FOXP1: variants seen among roughly 807,000 people sequenced by gnomAD.
FOXP1 encodes forkhead box protein P1.
Under a neutral mutation model 98.2 loss-of-function variants are expected in FOXP1, and 15 were observed. That is an observed-to-expected ratio of 0.15 (90% CI 0.10 to 0.24). FOXP1 has a LOEUF of 0.24. Ranked by LOEUF, FOXP1 falls within the 10% of genes least tolerant of loss-of-function variation. The pLI is 1.00. For missense variants in FOXP1, 633 were observed against 848.5 expected (o/e 0.75, Z 3.15); for synonymous variants, 371 against 314.5 (o/e 1.18, Z -1.90).
At chr3:70,992,309 G>C (rs1413062274) in intron 13 of FOXP1, among the ~76,000 whole-genome samples, 1 of 152,148 alleles carries the variant, frequency 6.6e-6, no homozygotes, top group Admixed American at 6.6e-5. Flanking sequence ...GATCCAAAGA[G>C]ATTAACCCGA....
chr3:71,015,614 A>G lies in FOXP1; in HGVS notation c.909T>C (p.Tyr303=), dbSNP rs752258317. The stretch of plus-strand genomic sequence containing the variant: ...CTGGCCACTTGCATACACCATGTCC[A>G]TAGAGAGGATGGCTATGGGGGTGCT... ...HEEHPHSHPL[Y]GHGVCKWPGC... is the part of the protein sequence containing the mutation. The change falls in exon 12 of 21, where the codon TAT becomes TAC. Residue 303 remains tyrosine (Y), a synonymous_variant. Transcript: ENST00000649528. The G allele has an allele frequency of 1.9e-6, 3 of 1,613,178 alleles. No individual in the cohort carries two copies. The highest frequency in any genetic ancestry group is 3.3e-5 in the Admixed American group (2 of 59,982).
At chr3:71,053,597 C>T (rs760938759) in intron 8 of FOXP1, 39 bp downstream of exon 8, 1 of 1,613,254 alleles carries the variant, frequency 6.2e-7, no homozygotes. Context: ...CCCCTGGGTT[C>T]TGGGGGAGAC....
At chr3:71,558,754 A>C (rs1425940166) in intron 2 of FOXP1, among the ~76,000 whole-genome samples, 2 of 150,812 alleles carry the variant, frequency 1.3e-5, no homozygotes, top group Non-Finnish European at 2.9e-5. Flanking sequence ...CGGCCTCCCA[A>C]AATGCTGGGA....
At chr3:71,149,179 T>C (rs923302169) in intron 6 of FOXP1, among the ~76,000 whole-genome samples, 1 of 152,090 alleles carries the variant, frequency 6.6e-6, no homozygotes. Context: ...TTAAGTACGT[T>C]TAAGAAGTAA....
At chr3:71,512,150 G>C (rs1434166083) in intron 2 of FOXP1, among the ~76,000 whole-genome samples, 2 of 152,170 alleles carry the variant, frequency 1.3e-5, no homozygotes. Flanking sequence ...AGGTCACATA[G>C]TAATTAAGTG....
At chr3:71,082,867 G>A (rs1393336842) in intron 7 of FOXP1, among the ~76,000 whole-genome samples, 7 of 152,104 alleles carry the variant, frequency 4.6e-5, no homozygotes, top group Non-Finnish European at 1.0e-4. Context: ...CCAGCTGACT[G>A]GCTAAACAAT....
At position 71,183,164 on chromosome 3, in the gene FOXP1, A is replaced by G. The variant is rs959594719; in HGVS notation, c.180+15038T>C. Among the ~76,000 whole-genome samples, 3 of 152,080 alleles carry G rather than the reference A, an allele frequency of 2.0e-5. No individual in the cohort carries two copies. In the South Asian group the frequency reaches 6.2e-4, roughly 32 times the overall value. ...ATTTCGGTAGGTTAAATTCCTGGTG[A>G]TGATGATCATGGCGGTGGTGGTGAT... On this transcript the variant is annotated intron_variant, in intron 6 of 20. Transcript: ENST00000649528.
In FOXP1 at chr3:71,403,079, G is replaced by C. The variant is rs1235066697; in HGVS notation, c.-167-43835C>G. Among the ~76,000 whole-genome samples, 5 of 152,220 alleles carry C rather than the reference G, an allele frequency of 3.3e-5. No homozygotes were observed. The East Asian group carries it at 9.6e-4, about 29-fold the overall frequency. ...GCAAAACCAAATTAGTTTCTCAAAA[G>C]AGGAAGTTTACTTTTTTGTTTTGTT... On this transcript the variant is annotated intron_variant, in intron 3 of 20. Transcript: ENST00000649528.
At chr3:71,537,106 T>A (rs2044360897) in intron 2 of FOXP1, among the ~76,000 whole-genome samples, 1 of 152,040 alleles carries the variant, frequency 6.6e-6, no homozygotes, top group Non-Finnish European at 1.5e-5. Context: ...TTAACTTCCT[T>A]TAAGGTCCTA....
At chr3:71,131,864 T>C (rs915305285) in intron 6 of FOXP1, among the ~76,000 whole-genome samples, 2 of 152,186 alleles carry the variant, frequency 1.3e-5, no homozygotes, top group Non-Finnish European at 2.9e-5. Flanking sequence ...AGGCAGATCA[T>C]AGAAACAGAA....
At chr3:71,544,631 T>C (rs1281860629) in intron 2 of FOXP1, among the ~76,000 whole-genome samples, 1 of 152,164 alleles carries the variant, frequency 6.6e-6, no homozygotes, top group African/African-American at 2.4e-5. Context: ...CTCCATTTTA[T>C]ATGTGGGGTG....
chr3:71,064,200 C>T (rs1040632255), intron 7 of FOXP1, among the ~76,000 whole-genome samples: 1 of 152,208 alleles, frequency 6.6e-6, no homozygotes, highest in African/African-American at 2.4e-5. Context: ...TCTCCCTCCC[C>T]CTTTACTGTG....
Position 70,956,376 on chromosome 3 carries a change from G to A in FOXP1, c.*2871C>T. 1 of 232,166 alleles carries A rather than the reference G, an allele frequency of 4.3e-6. No individual in the cohort carries two copies. Among genetic ancestry groups the A allele is most frequent in the East Asian group, 6.1e-5 (1 of 16,442 alleles). 14.4% of individuals were successfully genotyped at this position (232,166 alleles called of 1,614,324 possible). ...TTTTTTTCAGTTGGTTCTTCTGCAA[G>A]GCTGTGATACCTGCAAAGATATGTA... is the stretch of plus-strand genomic sequence containing the variant. On this transcript the variant is annotated 3_prime_UTR_variant, in exon 21 of 21. Transcript: ENST00000649528.
intron 3 of FOXP1, among the ~76,000 whole-genome samples, chr3:71,420,411 G>A (rs1364477181): frequency 6.6e-6 from 1 of 152,034 alleles, no homozygotes; most frequent in Non-Finnish European, 1.5e-5. Context: ...GATGCTACAG[G>A]GGCCACTTCA....
intron 5 of FOXP1, among the ~76,000 whole-genome samples, chr3:71,262,444 A>C (rs543655508): frequency 6.6e-6 from 1 of 152,248 alleles, no homozygotes; most frequent in South Asian, 2.1e-4. Context: ...TACTTCCAGA[A>C]ATAAATAAGC....
At chr3:71,081,766 T>G (rs1169326958) in intron 7 of FOXP1, among the ~76,000 whole-genome samples, 2 of 152,184 alleles carry the variant, frequency 1.3e-5, no homozygotes, top group Non-Finnish European at 2.9e-5. Flanking sequence ...TCTTCCATGG[T>G]CACTCACATT....
rs1017746934 is a variant in FOXP1, at chr3:70,954,975, T to C, written c.*4272A>G. On this transcript the variant is annotated 3_prime_UTR_variant, in exon 21 of 21. Transcript: ENST00000649528. Reference sequence around the variant, plus strand: ...GGACTGTATCATCTTCATCAAGGCTTATGGGTAGCAGAGATTGCGTGAGCT... The same window carrying C: ...GGACTGTATCATCTTCATCAAGGCTCATGGGTAGCAGAGATTGCGTGAGCT... 1.2e-4 allele frequency: 29 copies of C among 232,452 alleles called. No homozygotes were observed. The highest frequency in any genetic ancestry group is 6.0e-4 in the African/African-American group (27 of 45,272). 14.4% of individuals were successfully genotyped at this position (232,452 alleles called of 1,614,324 possible).
chr3:71,163,410 T>C lies in FOXP1; in HGVS notation c.180+34792A>G, dbSNP rs570367838. Among the ~76,000 whole-genome samples the C allele has an allele frequency of 3.9e-5, 6 of 152,334 alleles. No individual in the cohort carries two copies. The South Asian group carries it at 1.0e-3, about 26-fold the overall frequency. On this transcript the variant is annotated intron_variant, in intron 6 of 20. Coordinates refer to ENST00000649528, the MANE Select transcript of FOXP1 (RefSeq NM_001349338.3). ...CTCAGCATCTGTTTGAAATATGTAGTAGACAATTGCTTTTTTGGCTGTGAC... is the reference window on the plus strand; with the variant it reads ...CTCAGCATCTGTTTGAAATATGTAGCAGACAATTGCTTTTTTGGCTGTGAC...
chr3:71,268,428 TG>T (rs574713253), intron 5 of FOXP1, among the ~76,000 whole-genome samples: 1 of 151,858 alleles, frequency 6.6e-6, no homozygotes, highest in South Asian at 2.1e-4. Context: ...CTGGGAAAGT[TG>T]GGGGGGTAGT....
Sources: gnomAD v4.1 joint callset for allele counts (sites outside exome capture counted in the v4.1 genomes callset) on GRCh38, gnomAD v4.1.1 for gene constraint, MANE v1.5 for transcripts, NCBI Gene and HGNC (gene_info 2026-07-23, HGNC 2026-07-21) for gene names.